NTF3: variants seen among roughly 807,000 people sequenced by gnomAD.
NTF3 encodes neurotrophin 3, also known as neurotrophin-3.
A neutral mutation model predicts 26.3 loss-of-function variants in NTF3; 8 were observed. That is an observed-to-expected ratio of 0.30 (90% CI 0.18 to 0.55). The LOEUF (loss-of-function observed/expected upper bound fraction) is 0.55. Ranked by LOEUF, NTF3 falls within the 20% of genes least tolerant of loss-of-function variation. NTF3 has a pLI of 0.93. For missense variants in NTF3, 276 were observed against 352.9 expected, an observed-to-expected ratio of 0.78 and a Z score of 1.75; for synonymous variants, 154 against 145.5, an observed-to-expected ratio of 1.06 and a Z score of -0.42.
At chr12:5,445,501 C>G (rs142609684) in intron 1 of NTF3, among the ~76,000 whole-genome samples, 18 of 152,132 alleles carry the variant, frequency 1.2e-4, no homozygotes, top group Non-Finnish European at 2.4e-4. Context: ...CATCCAGTTG[C>G]TTGGGGAGTG....
At chr12:5,459,921 G>A (rs1007511097) in intron 1 of NTF3, among the ~76,000 whole-genome samples, 24 of 152,104 alleles carry the variant, frequency 1.6e-4, no homozygotes, top group African/African-American at 5.8e-4. Context: ...TTCCTAAAGG[G>A]CCAGATTGTC....
intron 1 of NTF3, among the ~76,000 whole-genome samples, chr12:5,482,763 G>C (rs576230989): frequency 1.3e-3 from 191 of 151,062 alleles, no homozygotes; most frequent in African/African-American, 4.6e-3. Flanking sequence ...CCTCTCTTCT[G>C]TGTCTCTCTG....
intron 1 of NTF3, among the ~76,000 whole-genome samples, chr12:5,481,475 A>ACACACGCG (rs1940793188): frequency 8.9e-4 from 11 of 12,298 alleles, no homozygotes; most frequent in East Asian, 3.7e-3. Flanking sequence ...ATAACACCAC[A>ACACACGCG]CATACATGCA....
chr12:5,470,384 G>C (rs186095000), intron 1 of NTF3, among the ~76,000 whole-genome samples: 16 of 152,342 alleles, frequency 1.1e-4, no homozygotes, highest in African/African-American at 3.8e-4. Flanking sequence ...CCAGGAGGGA[G>C]TGTCTAGAAC....
chr12:5,450,673 C>T (rs1250768621), intron 1 of NTF3, among the ~76,000 whole-genome samples: 2 of 152,200 alleles, frequency 1.3e-5, no homozygotes, highest in Admixed American at 6.5e-5. Context: ...CAGGAATCCT[C>T]ACAGTACTCA....
chr12:5,474,083 C>T (rs969373948), intron 1 of NTF3, among the ~76,000 whole-genome samples: 1 of 152,156 alleles, frequency 6.6e-6, no homozygotes, highest in Non-Finnish European at 1.5e-5. Context: ...GTGGGACACT[C>T]GAGAGTGAAA....
Position 5,459,880 on chromosome 12 carries a change from C to A in NTF3, c.18+27538C>A, listed in dbSNP as rs897595025. ...GACATTGAAAAAATATCTGATTTGC[C>A]ATTCCAGATGCTCGTCCTCATTTGC... is the stretch of plus-strand genomic sequence containing the variant. On this transcript the variant is annotated intron_variant, in intron 1 of 1. Coordinates refer to ENST00000423158, the MANE Select transcript of NTF3 (RefSeq NM_001102654.2). Among the ~76,000 whole-genome samples the A allele has an allele frequency of 2.6e-5, 4 of 152,164 alleles. No homozygotes were observed. The East Asian group carries it at 7.7e-4, about 29-fold the overall frequency.
intron 1 of NTF3, among the ~76,000 whole-genome samples, chr12:5,454,444 G>C (rs531862632): frequency 2.6e-5 from 4 of 152,260 alleles, no homozygotes; most frequent in African/African-American, 9.6e-5. Context: ...GTACTAAGGG[G>C]TTAGGACTCC....
At chr12:5,431,484 G>A (rs905095486), upstream of NTF3, among the ~76,000 whole-genome samples, 2 of 152,102 alleles carry the variant, frequency 1.3e-5, no homozygotes, top group Non-Finnish European at 2.9e-5. Context: ...TCCTGGGTGC[G>A]GGTCCCCGGG....
chr12:5,453,255 A>G (rs928233037), intron 1 of NTF3, among the ~76,000 whole-genome samples: 1 of 152,230 alleles, frequency 6.6e-6, no homozygotes, highest in African/African-American at 2.4e-5. Context: ...TCTCAAAGCC[A>G]GTTGCAAGCA....
chr12:5,486,124 G>A (rs965095894), intron 1 of NTF3, among the ~76,000 whole-genome samples: 5 of 152,158 alleles, frequency 3.3e-5, no homozygotes, highest in African/African-American at 9.7e-5. Flanking sequence ...AGACAGGAGG[G>A]GCCATATTTG....
chr12:5,468,887 G>A lies in NTF3; in HGVS notation c.19-25307G>A, dbSNP rs906857765. Among the ~76,000 whole-genome samples the A allele has an allele frequency of 1.9e-4, 29 of 152,286 alleles. 1 individual carries two copies. The highest frequency in any genetic ancestry group is 3.4e-3 in the Middle Eastern group (1 of 294). On this transcript the variant is annotated intron_variant, in intron 1 of 1. Coordinates refer to ENST00000423158, the MANE Select transcript of NTF3 (RefSeq NM_001102654.2). ...TGTAGTCCCAGCACCTTGGGAGCCC[G>A]AGGCAGGTGGATCGCTTTAGCCCAG...
At chr12:5,479,039 C>A (rs1352528653) in intron 1 of NTF3, among the ~76,000 whole-genome samples, 6 of 152,246 alleles carry the variant, frequency 3.9e-5, no homozygotes, top group Non-Finnish European at 8.8e-5. Context: ...CCCCATGCAT[C>A]ATCCAAACTC....
intron 1 of NTF3, among the ~76,000 whole-genome samples, chr12:5,438,244 T>C (rs970827453): frequency 1.3e-5 from 2 of 152,142 alleles, no homozygotes; most frequent in East Asian, 3.8e-4. Flanking sequence ...GTATTTTTTG[T>C]TGTTGTTAAT....
At chr12:5,481,690 C>T (rs1295359131) in intron 1 of NTF3, among the ~76,000 whole-genome samples, 8 of 134,122 alleles carry the variant, frequency 6.0e-5, no homozygotes, top group Non-Finnish European at 6.4e-5. Context: ...AGACATACAC[C>T]ACACAAGCAG....
In NTF3 at chr12:5,437,649, G is replaced by A. The variant is rs115435311; in HGVS notation, c.18+5307G>A. ...CCACCCTGCCTCAAGCCTCACCCGCGGCTGTTTTACTCTTTAACGAGGCAG... is the reference window on the plus strand; with the variant it reads ...CCACCCTGCCTCAAGCCTCACCCGCAGCTGTTTTACTCTTTAACGAGGCAG... On this transcript the variant is annotated intron_variant, in intron 1 of 1. Coordinates refer to ENST00000423158, the MANE Select transcript of NTF3 (RefSeq NM_001102654.2). Among the ~76,000 whole-genome samples, 292 of 152,332 alleles carry A rather than the reference G, an allele frequency of 1.9e-3. 2 individuals carry two copies. The highest frequency in any genetic ancestry group is 6.6e-3 in the African/African-American group (273 of 41,572).
At chr12:5,464,842 TG>T (rs945296086) in intron 1 of NTF3, among the ~76,000 whole-genome samples, 1 of 152,154 alleles carries the variant, frequency 6.6e-6, no homozygotes, top group Admixed American at 6.5e-5. Flanking sequence ...ATCCCAGGGT[TG>T]GGGGGTAGAG....
At chr12:5,430,464 C>A (rs1163169617), upstream of NTF3, among the ~76,000 whole-genome samples, 1 of 151,356 alleles carries the variant, frequency 6.6e-6, no homozygotes, top group South Asian at 2.1e-4. Flanking sequence ...TGCGAGGGAC[C>A]GCAGGAGGTG....
At chr12:5,432,478 C>A in intron 1 of NTF3, 136 bp downstream of exon 1, 1 of 1,037,850 alleles carries the variant, frequency 9.6e-7, no homozygotes, top group Non-Finnish European at 1.4e-6. Flanking sequence ...CGCGCTCACT[C>A]ACTTTCCCGG....
Sources: gnomAD v4.1 joint callset for allele counts (sites outside exome capture counted in the v4.1 genomes callset) on GRCh38, gnomAD v4.1.1 for gene constraint, MANE v1.5 for transcripts, NCBI Gene and HGNC (gene_info 2026-07-23, HGNC 2026-07-21) for gene names.